ADGRG4: variants seen among roughly 807,000 people sequenced by gnomAD.
ADGRG4 encodes the protein G protein-coupled receptor 112.
ADGRG4 carries 122 observed loss-of-function variants against 126.2 expected under a neutral mutation model. The observed-to-expected ratio is 0.97, with a 90% CI of 0.83 to 1.12. ADGRG4 has a LOEUF of 1.12. ADGRG4 is among the 50% of genes most tolerant of loss of function. The pLI is 0.00. For missense variants in ADGRG4, 2,481 were observed against 2,251.8 expected (o/e 1.10, Z -2.06); for synonymous variants, 943 against 838.7 (o/e 1.12, Z -2.15).
intron 4 of ADGRG4, among the ~76,000 whole-genome samples, chrX:136,318,961 A>G (rs1004752952): frequency 3.3e-4 from 37 of 112,763 alleles, no homozygotes; most frequent in African/African-American, 1.1e-3. Flanking sequence ...GCGAAGAGAC[A>G]CAGAGGAGCC....
chrX:136,386,138 T>C (rs1340428579), intron 15 of ADGRG4, among the ~76,000 whole-genome samples: 1 of 112,807 alleles, frequency 8.9e-6, no homozygotes, highest in African/African-American at 3.2e-5. Flanking sequence ...GTGTTTACTC[T>C]TCTCCAGAAA....
intron 16 of ADGRG4, among the ~76,000 whole-genome samples, chrX:136,389,843 A>G (rs2148491589): frequency 8.9e-6 from 1 of 111,942 alleles, no homozygotes; most frequent in Admixed American, 9.4e-5. Flanking sequence ...AAACAGACCT[A>G]AATGTTCTAA....
intron 3 of ADGRG4, among the ~76,000 whole-genome samples, chrX:136,307,243 C>G (rs1224188734): frequency 2.7e-5 from 3 of 112,296 alleles, no homozygotes; most frequent in Non-Finnish European, 5.6e-5. Context: ...TTCGAAATAT[C>G]ATCTCATTTG....
At chrX:136,353,010 T>A (rs1446327876) in intron 7 of ADGRG4, among the ~76,000 whole-genome samples, 1 of 111,594 alleles carries the variant, frequency 9.0e-6, no homozygotes, top group African/African-American at 3.3e-5. Flanking sequence ...GCATCCCTGG[T>A]CTCTCTTTTT....
rs188826405 is a variant in ADGRG4 at position 136,409,374 on chromosome X, T to C, written c.8936-2891T>C. On this transcript the variant is annotated intron_variant, in intron 23 of 25. Transcript: ENST00000394143. ...AAAGCTGTCAGGCAGAGGGGGAGAG[T>C]TGGCAGGCAGTTCATTGGAATTCAC... is the stretch of plus-strand genomic sequence containing the variant. Among the ~76,000 whole-genome samples, 4 of 111,159 alleles carry C rather than the reference T, an allele frequency of 3.6e-5. No homozygotes were observed. In the East Asian group the frequency reaches 1.1e-3, roughly 31 times the overall value.
In ADGRG4 at chrX:136,392,354, G is replaced by C. The variant is rs1569336051; in HGVS notation, c.8034G>C (p.Gln2678His). ...CTCTGCAGCATATTGGAGGAAACCA[G>C]GTAATATATCTATTTTCAGCTCAGA... is the stretch of plus-strand genomic sequence containing the variant. ...VITLQHIGGN[Q>H]NYGQVHCAFW... Residue 2678 changes from glutamine (Q) to histidine (H), a missense_variant and splice_region_variant, in exon 17 of 26, where the codon CAG becomes CAC. Physicochemically the swap from Gln to His is conservative, Grantham distance 24. Coordinates refer to ENST00000394143, the MANE Select transcript of ADGRG4 (RefSeq NM_153834.4). The C allele has an allele frequency of 8.7e-7, 1 of 1,149,238 alleles. No homozygotes were observed. The highest frequency in any genetic ancestry group is 2.4e-5 in the Admixed American group (1 of 41,090). 94.7% of individuals were successfully genotyped at this position (1,149,238 alleles called of 1,213,427 possible). A position where few individuals can be genotyped will look rare whatever the true frequency, so the allele number is the denominator to read the frequency against.
chrX:136,320,540 G>A (rs920045680), intron 4 of ADGRG4, among the ~76,000 whole-genome samples: 1 of 111,889 alleles, frequency 8.9e-6, no homozygotes, highest in Non-Finnish European at 1.9e-5. Context: ...TAGTAAGGTG[G>A]CATCTTTCTA....
intron 12 of ADGRG4, among the ~76,000 whole-genome samples, chrX:136,361,801 C>T (rs1469130605): frequency 8.9e-6 from 1 of 111,864 alleles, no homozygotes; most frequent in Non-Finnish European, 1.9e-5. Context: ...CCCATCATCC[C>T]AGAAGAAAAT....
chrX:136,339,875 G>A (rs1246180247), intron 5 of ADGRG4, among the ~76,000 whole-genome samples: 2 of 112,018 alleles, frequency 1.8e-5, no homozygotes, highest in African/African-American at 3.2e-5. Flanking sequence ...TCTTGAGTGT[G>A]TATGCGTAGA....
At chrX:136,397,381 T>A (rs1198294393) in intron 19 of ADGRG4, among the ~76,000 whole-genome samples, 1 of 111,468 alleles carries the variant, frequency 9.0e-6, no homozygotes, top group Non-Finnish European at 1.9e-5. Context: ...TAATTTTACA[T>A]GTCATTTCAG....
At chrX:136,351,607 T>C (rs1430103711) in intron 7 of ADGRG4, 66 bp downstream of exon 7, 4 of 436,685 alleles carry the variant, frequency 9.2e-6, no homozygotes, top group Non-Finnish European at 1.5e-5. Flanking sequence ...TTTATATATA[T>C]GACAGAATAT....
chrX:136,323,367 A>G lies in ADGRG4; in HGVS notation c.660A>G (p.Pro220=). Residue 220 remains proline, a synonymous_variant, in exon 5 of 26, where the codon CCA becomes CCG. Transcript: ENST00000394143. ...TCTGGCTTGTCAACAAGATCATCCC[A>G]ACTGTTGACAGGACACTGCGCTGCT... ...EDVWLVNKII[P]TVDRTLRCFV... 1.7e-6 allele frequency: 2 copies of G among 1,209,003 alleles called. No homozygotes were observed. Among genetic ancestry groups the G allele is most frequent in the Non-Finnish European group, 2.2e-6 (2 of 894,087 alleles).
chrX:136,379,073 A>C (rs1415357352), intron 15 of ADGRG4, among the ~76,000 whole-genome samples: 1 of 111,636 alleles, frequency 9.0e-6, no homozygotes. Flanking sequence ...TCATTTCATT[A>C]AATGCTTGAT....
At chrX:136,323,557 T>C (rs1423444918) in intron 5 of ADGRG4, among the ~76,000 whole-genome samples, 165 bp downstream of exon 5, 3 of 99,881 alleles carry the variant, frequency 3.0e-5, no homozygotes, top group East Asian at 3.1e-4. Flanking sequence ...TATAGAAAGA[T>C]TGGAAGAATA....
chrX:136,336,838 T>G (rs998765820), intron 5 of ADGRG4, among the ~76,000 whole-genome samples: 3 of 112,057 alleles, frequency 2.7e-5, no homozygotes, highest in African/African-American at 9.7e-5. Flanking sequence ...CTTTGCATGG[T>G]TTTCCTAGTG....
chrX:136,342,058 C>T (rs2074982079), intron 5 of ADGRG4, among the ~76,000 whole-genome samples: 1 of 111,921 alleles, frequency 8.9e-6, no homozygotes, highest in Non-Finnish European at 1.9e-5. Context: ...TATTCACTAT[C>T]ATCCTAAATT....
At chrX:136,371,615 G>A in intron 14 of ADGRG4, 71 bp downstream of exon 14, 1 of 569,242 alleles carries the variant, frequency 1.8e-6, no homozygotes, top group Non-Finnish European at 2.7e-6. Flanking sequence ...CTCTGTATCT[G>A]TGCATTCTGC....
chrX:136,399,782 G>A (rs2075369908), intron 20 of ADGRG4, 66 bp from the exon 21 acceptor site: 2 of 920,038 alleles, frequency 2.2e-6, no homozygotes, highest in Non-Finnish European at 3.0e-6. Flanking sequence ...TAGATAAGAT[G>A]TGGCGATGTT....
intron 25 of ADGRG4, 73 bp from the exon 26 acceptor site, chrX:136,416,381 T>A: frequency 1.2e-6 from 1 of 821,491 alleles, no homozygotes. Context: ...TTTGATAAAA[T>A]TTTCTTATGC....
Sources: gnomAD v4.1 joint callset for allele counts (sites outside exome capture counted in the v4.1 genomes callset) on GRCh38, gnomAD v4.1.1 for gene constraint, MANE v1.5 for transcripts, NCBI Gene and HGNC (gene_info 2026-07-23, HGNC 2026-07-21) for gene names.